DSCAML1: variants seen among roughly 807,000 people sequenced by gnomAD.
DSCAML1 encodes DS cell adhesion molecule like 1, also known as cell adhesion molecule DSCAML1.
Under a neutral mutation model 200.5 loss-of-function variants are expected in DSCAML1, and 38 were observed. The ratio of observed to expected loss-of-function variants is 0.19; its 90% CI spans 0.15 to 0.25. The LOEUF (loss-of-function observed/expected upper bound fraction) is 0.25. Among genes scored for constraint, DSCAML1 ranks in the 10% least tolerant of loss-of-function variants. The probability of loss-of-function intolerance (pLI) is 1.00; values close to 1 mark genes in which losing one functional copy is unlikely to be tolerated. For synonymous variants in DSCAML1, 1,215 were observed against 1,165.0 expected (o/e 1.04, Z -0.87); for missense variants, 2,223 against 2,858.8 (o/e 0.78, Z 5.07).
At chr11:117,718,478 A>G in intron 3 of DSCAML1, among the ~76,000 whole-genome samples, 1 of 152,218 alleles carries the variant, frequency 6.6e-6, no homozygotes, top group Non-Finnish European at 1.5e-5. Flanking sequence ...CAGCAAGAGT[A>G]TTCTGAGGGT....
chr11:117,720,596 C>A (rs77252250), intron 3 of DSCAML1, among the ~76,000 whole-genome samples: 1,692 of 152,350 alleles, frequency 0.011, 17 homozygotes, highest in East Asian at 0.04. Context: ...CTCCTTCTCA[C>A]TTCCCAAAGA....
chr11:117,431,881 C>G (rs560506081), intron 30 of DSCAML1, among the ~76,000 whole-genome samples, 153 bp from the exon 31 acceptor site: 2 of 152,152 alleles, frequency 1.3e-5, no homozygotes. Context: ...CTAACCACAT[C>G]GCTGTCCCCA....
rs545712102 is a variant in DSCAML1, at chr11:117,489,997, G to A, written c.2360-7835C>T. On this transcript the variant is annotated intron_variant, in intron 11 of 32. Transcript: ENST00000651296. The surrounding 1 kb of genome is among the most constrained non-coding windows in gnomAD (Gnocchi z 4.8). ...CACACTTAGGCTCACTCAGGGGAGC[G>A]GGGAGCCTTGCTGGGCCACTGGGGC... Among the ~76,000 whole-genome samples, 11 of 152,302 alleles carry A rather than the reference G, an allele frequency of 7.2e-5. No individual in the cohort carries two copies. The highest frequency in any genetic ancestry group is 1.9e-4 in the East Asian group (1 of 5,176).
intron 2 of DSCAML1, among the ~76,000 whole-genome samples, chr11:117,777,887 G>T (rs947923516): frequency 1.6e-4 from 24 of 152,288 alleles, no homozygotes; most frequent in Non-Finnish European, 2.4e-4. Context: ...GGCCTCGCTT[G>T]ATCCTTCCAC....
At chr11:117,683,076 C>T (rs1217540082) in intron 3 of DSCAML1, among the ~76,000 whole-genome samples, 1 of 152,186 alleles carries the variant, frequency 6.6e-6, no homozygotes, top group Non-Finnish European at 1.5e-5. Flanking sequence ...TTAGTTATAC[C>T]TTCATTCCAC....
intron 3 of DSCAML1, among the ~76,000 whole-genome samples, chr11:117,590,789 C>G (rs1311670984): frequency 6.6e-6 from 1 of 152,132 alleles, no homozygotes; most frequent in Non-Finnish European, 1.5e-5. Context: ...CCACAGAGAC[C>G]CTCAAATGCA....
chr11:117,687,426 A>ATTTTAAATTTTTTTTTTTTTTTT (rs552784985), intron 3 of DSCAML1, among the ~76,000 whole-genome samples: 19 of 97,648 alleles, frequency 1.9e-4, no homozygotes, highest in African/African-American at 6.2e-4. Context: ...ATGCCTGGCT[A>ATTTTAAATTTTTTTTTTTTTTTT]TTTTTTTTTT....
At chr11:117,718,419 G>A (rs2053988890) in intron 3 of DSCAML1, among the ~76,000 whole-genome samples, 1 of 152,228 alleles carries the variant, frequency 6.6e-6, no homozygotes, top group African/African-American at 2.4e-5. Flanking sequence ...TCCAGCATAG[G>A]TGCAGTATCT....
intron 3 of DSCAML1, among the ~76,000 whole-genome samples, chr11:117,708,237 C>T (rs1364912477): frequency 6.6e-6 from 1 of 152,220 alleles, no homozygotes; most frequent in East Asian, 1.9e-4. Flanking sequence ...TCCGAAGCTA[C>T]AGCTCTGTCA....
At chr11:117,774,562 G>A (rs1490502864) in intron 3 of DSCAML1, among the ~76,000 whole-genome samples, 2 of 152,152 alleles carry the variant, frequency 1.3e-5, no homozygotes, top group Non-Finnish European at 2.9e-5. Context: ...TTAAATGCAG[G>A]TAGTCTGGTC....
At chr11:117,454,677 G>A (rs1053017482) in intron 19 of DSCAML1, among the ~76,000 whole-genome samples, 10 of 152,114 alleles carry the variant, frequency 6.6e-5, no homozygotes, top group Admixed American at 2.6e-4. Context: ...TGCCAGACAC[G>A]GCATTTGCAA....
chr11:117,512,821 T>G (rs2049668861), intron 8 of DSCAML1, among the ~76,000 whole-genome samples: 1 of 126,220 alleles, frequency 7.9e-6, no homozygotes, highest in South Asian at 2.8e-4. Context: ...TTCCCCCCAC[T>G]TCCCTCCCTC....
At chr11:117,654,615 G>A (rs1293192060) in intron 3 of DSCAML1, among the ~76,000 whole-genome samples, 1 of 152,162 alleles carries the variant, frequency 6.6e-6, no homozygotes, top group Non-Finnish European at 1.5e-5. Flanking sequence ...TTATTTAAAT[G>A]GGCAAGATTT....
At chr11:117,572,767 G>T (rs957024535) in intron 3 of DSCAML1, among the ~76,000 whole-genome samples, 2 of 152,166 alleles carry the variant, frequency 1.3e-5, no homozygotes, top group Non-Finnish European at 2.9e-5. Context: ...TGGTTGATCA[G>T]GTTCTCCTCT....
chr11:117,482,680 C>T (rs2048953832), intron 11 of DSCAML1, among the ~76,000 whole-genome samples: 1 of 152,158 alleles, frequency 6.6e-6, no homozygotes, highest in Non-Finnish European at 1.5e-5. Context: ...CCGAGGATTT[C>T]TGCTGGTGAC....
intron 3 of DSCAML1, among the ~76,000 whole-genome samples, chr11:117,727,089 T>C (rs1420955175): frequency 6.6e-6 from 1 of 152,110 alleles, no homozygotes; most frequent in East Asian, 1.9e-4. Flanking sequence ...AGCAAAACTT[T>C]ATTAAGTAGG....
chr11:117,601,910 T>C (rs1190470499), intron 3 of DSCAML1, among the ~76,000 whole-genome samples: 1 of 152,176 alleles, frequency 6.6e-6, no homozygotes, highest in Non-Finnish European at 1.5e-5. Context: ...CTGAGTATCA[T>C]CTCTCCTGGG....
At chr11:117,622,332 T>C (rs1450747715) in intron 3 of DSCAML1, among the ~76,000 whole-genome samples, 1 of 152,206 alleles carries the variant, frequency 6.6e-6, no homozygotes, top group Non-Finnish European at 1.5e-5. Flanking sequence ...ATCTGTAAGA[T>C]GTAAATTTTT....
intron 21 of DSCAML1, among the ~76,000 whole-genome samples, chr11:117,443,407 GCTCC>G: frequency 6.6e-6 from 1 of 152,236 alleles, no homozygotes; most frequent in African/African-American, 2.4e-5. Context: ...CACAGCACGC[GCTCC>G]GTAAAGGTCT....
Sources: allele counts gnomAD v4.1 joint callset (sites outside exome capture counted in the v4.1 genomes callset), GRCh38; gene constraint gnomAD v4.1.1; non-coding constraint Gnocchi (gnomAD v3.1); transcripts MANE v1.5; gene names NCBI Gene and HGNC (gene_info 2026-07-23, HGNC 2026-07-21).